The following DHRSX variants were observed in gnomAD, a reference collection of about 807,000 sequenced individuals.
DHRSX encodes the protein polyprenol dehydrogenase.
A neutral mutation model predicts 34.0 loss-of-function variants in DHRSX; 31 were observed. The observed-to-expected ratio is 0.91, with a 90% CI of 0.69 to 1.23. The LOEUF is 1.23. Among genes scored for constraint, DHRSX ranks in the 50% most tolerant of loss-of-function variants. The pLI, the probability that DHRSX is intolerant of heterozygous loss-of-function variation, is 0.00. For missense variants in DHRSX, 414 were observed against 428.1 expected (o/e 0.97, Z 0.29); for synonymous variants, 201 against 183.8 (o/e 1.09, Z -0.76).
chrX:2,304,581 G>A (rs904083300), intron 3 of DHRSX, among the ~76,000 whole-genome samples: 9 of 152,020 alleles, frequency 5.9e-5, no homozygotes, highest in African/African-American at 2.2e-4. Flanking sequence ...TTGTTGAAAA[G>A]TGTGTAGCAT....
At position 2,221,145 on chromosome X, in the gene DHRSX, C is replaced by T. The variant is rs12010; in HGVS notation, c.889G>A (p.Glu297Lys). 0.3 allele frequency: 481,323 copies of T among 1,613,042 alleles called. 83,190 individuals are homozygous for T. The highest frequency in any genetic ancestry group is 0.77 in the East Asian group (34,689 of 44,856). Reference protein sequence around the residue: ...EGVGGHYLYNEKETKSLHVTY... With the variant: ...EGVGGHYLYNKKETKSLHVTY... ...ACGTGGAGGGACTTGGTCTCTTTCT[C>T]GTTGTATAGGTAATGGCCACCAACT... Residue 297 changes from glutamate to lysine, a missense_variant, in exon 7 of 7, where the codon GAG (glutamate) becomes AAG (lysine). Glu to Lys is a moderately conservative substitution (Grantham distance 56). Coordinates refer to ENST00000334651, the MANE Select transcript of DHRSX (RefSeq NM_145177.3).
chrX:2,244,696 TA>T (rs1569478992), intron 5 of DHRSX, among the ~76,000 whole-genome samples: 56 of 151,196 alleles, frequency 3.7e-4, no homozygotes, highest in South Asian at 1.7e-3. Context: ...TATATATATA[TA>T]TTTTTAAATT....
intron 1 of DHRSX, among the ~76,000 whole-genome samples, chrX:2,485,293 G>C (rs1467673615): frequency 3.9e-5 from 6 of 152,066 alleles, no homozygotes; most frequent in South Asian, 2.1e-4. Context: ...CAAATGCTTA[G>C]TTATGAGGAC....
At chrX:2,332,777 CA>C (rs1179381504) in intron 3 of DHRSX, among the ~76,000 whole-genome samples, 2 of 152,150 alleles carry the variant, frequency 1.3e-5, no homozygotes, top group Non-Finnish European at 2.9e-5. Flanking sequence ...TGCAAGATTG[CA>C]AAGGGCACAC....
chrX:2,349,891 T>G (rs753086569), intron 3 of DHRSX, among the ~76,000 whole-genome samples: 12,759 of 135,844 alleles, frequency 0.094, 1,112 homozygotes, highest in Non-Finnish European at 0.15. Flanking sequence ...ACAAAAAAAT[T>G]AGCCAGGCGT....
At chrX:2,266,454 A>G (rs867550634) in intron 5 of DHRSX, among the ~76,000 whole-genome samples, 434 of 54,268 alleles carry the variant, frequency 8.0e-3, no homozygotes, top group Middle Eastern at 0.048. Flanking sequence ...CAGACGCAGG[A>G]AGCACTGTTC....
intron 3 of DHRSX, among the ~76,000 whole-genome samples, chrX:2,308,683 C>G (rs1363940299): frequency 6.6e-6 from 1 of 151,586 alleles, no homozygotes; most frequent in Non-Finnish European, 1.5e-5. Flanking sequence ...AACACAATAT[C>G]CAAGTATATT....
At chrX:2,311,705 G>C (rs1351864754) in intron 3 of DHRSX, among the ~76,000 whole-genome samples, 5 of 152,002 alleles carry the variant, frequency 3.3e-5, no homozygotes, top group East Asian at 1.9e-4. Flanking sequence ...GAGCTTTCAA[G>C]AACAATTCTG....
intron 3 of DHRSX, among the ~76,000 whole-genome samples, chrX:2,355,234 G>A (rs144431727): frequency 0.016 from 2,368 of 152,166 alleles, 25 homozygotes; most frequent in Non-Finnish European, 0.026. Context: ...TTATCAGGCC[G>A]GGCACAATGG....
intron 3 of DHRSX, among the ~76,000 whole-genome samples, chrX:2,367,296 C>A (rs750094686): frequency 6.6e-6 from 1 of 151,580 alleles, no homozygotes; most frequent in Non-Finnish European, 1.5e-5. Flanking sequence ...AAATTAGCCA[C>A]GCGTGGTGGT....
chrX:2,474,696 T>C (rs1185765480), intron 1 of DHRSX, among the ~76,000 whole-genome samples: 4 of 147,608 alleles, frequency 2.7e-5, no homozygotes, highest in East Asian at 2.0e-4. Flanking sequence ...GTTCCCTAAG[T>C]GTGTGGCTAA....
intron 4 of DHRSX, among the ~76,000 whole-genome samples, chrX:2,288,585 T>C (rs1327958188): frequency 2.6e-5 from 4 of 152,202 alleles, no homozygotes; most frequent in Non-Finnish European, 5.9e-5. Context: ...GACAGTCTTC[T>C]AAAAACTGGG....
intron 5 of DHRSX, among the ~76,000 whole-genome samples, chrX:2,258,308 A>G (rs1294374765): frequency 6.6e-6 from 1 of 152,028 alleles, no homozygotes; most frequent in Non-Finnish European, 1.5e-5. Flanking sequence ...CAGAGAGAAG[A>G]TGGCGTCTAC....
chrX:2,489,988 C>T (rs763824999), intron 1 of DHRSX: 19 of 1,613,756 alleles, frequency 1.2e-5, no homozygotes, highest in Middle Eastern at 1.6e-4. Flanking sequence ...TGATGGTCTC[C>T]GCCGTGTTCT....
At chrX:2,369,528 G>A (rs186383199) in intron 3 of DHRSX, among the ~76,000 whole-genome samples, 26 of 151,822 alleles carry the variant, frequency 1.7e-4, no homozygotes, top group Non-Finnish European at 2.6e-4. Flanking sequence ...ACAGAGTCTC[G>A]CCCTGTCACC....
chrX:2,271,898 G>T (rs375750337), intron 4 of DHRSX, among the ~76,000 whole-genome samples: 235 of 152,038 alleles, frequency 1.5e-3, no homozygotes, highest in African/African-American at 5.5e-3. Context: ...AAAATTAGCC[G>T]GGCGTGGTGG....
chrX:2,427,581 G>A (rs1047405893), intron 1 of DHRSX, among the ~76,000 whole-genome samples: 7 of 152,052 alleles, frequency 4.6e-5, no homozygotes, highest in East Asian at 1.9e-4. Context: ...CAGACTTCTC[G>A]CGTTCAAAAT....
At chrX:2,355,511 TAAAAAAAAAAAAAAAAAAAA>T (rs767512287) in intron 3 of DHRSX, among the ~76,000 whole-genome samples, 42 of 75,316 alleles carry the variant, frequency 5.6e-4, no homozygotes, top group Admixed American at 2.7e-3. Flanking sequence ...AGACCCCATC[TAAAAAAAAAAAAAAAAAAAA>T]AAAAAAAAAA....
intron 3 of DHRSX, chrX:2,334,169 G>T (rs866455512): frequency 1.2e-4 from 5 of 40,168 alleles, no homozygotes; most frequent in Admixed American, 6.1e-4. Context: ...TCAAAAGTAT[G>T]CTTTTTTTTT....
Sources: allele counts gnomAD v4.1 joint callset (sites outside exome capture counted in the v4.1 genomes callset), GRCh38; gene constraint gnomAD v4.1.1; transcripts MANE v1.5; gene names NCBI Gene and HGNC (gene_info 2026-07-23, HGNC 2026-07-21).